The following KANK1 variants were observed in gnomAD, a reference collection of about 807,000 sequenced individuals.
The protein encoded by KANK1 is KN motif and ankyrin repeat domains 1.
In KANK1, 109 loss-of-function variants were observed where a neutral mutation model predicts 106.2. The ratio of observed to expected loss-of-function variants is 1.03; its 90% CI spans 0.88 to 1.20. The LOEUF (loss-of-function observed/expected upper bound fraction) is 1.20, where lower values mean the gene tolerates loss of function less well. KANK1 is among the 50% of genes most tolerant of loss of function. KANK1 has a pLI of 0.00. For synonymous variants in KANK1, 873 were observed against 652.2 expected (o/e 1.34, Z -5.16); for missense variants, 2,399 against 1,710.7 (o/e 1.40, Z -7.10).
At chr9:661,070 G>C (rs1843188605) in intron 1 of KANK1, among the ~76,000 whole-genome samples, 1 of 102,506 alleles carries the variant, frequency 9.8e-6, no homozygotes, top group African/African-American at 3.9e-5. Context: ...GTAACCAACT[G>C]GTTTTGAGGT....
Position 713,354 on chromosome 9 carries a change from A to G in KANK1, c.2588A>G (p.Asn863Ser). 2 of 1,614,042 alleles carry G rather than the reference A, an allele frequency of 1.2e-6. No homozygotes were observed. Among genetic ancestry groups the G allele is most frequent in the Non-Finnish European group, 1.7e-6 (2 of 1,180,016 alleles). ...CCTCACTCACAGATGGGCTCCCTCA[A>G]CTCTCAGCTCATCAGCACCCTGTCG... ...GEPHSQMGSL[N>S]SQLISTLSSI... Residue 863 changes from asparagine (N) to serine (S), a missense_variant, in exon 3 of 12, where the codon AAC (asparagine) becomes AGC (serine). Physicochemically the swap from Asn to Ser is conservative, Grantham distance 46. Transcript: ENST00000382297.
chr9:542,449 G>T (rs1027480981), intron 1 of KANK1, among the ~76,000 whole-genome samples: 1 of 152,240 alleles, frequency 6.6e-6, no homozygotes, highest in Admixed American at 6.5e-5. Flanking sequence ...GACCCTCTTA[G>T]ACTGTTGATG....
chr9:646,278 C>G lies in KANK1; in HGVS notation c.-83-30612C>G, dbSNP rs535915339. On this transcript the variant is annotated intron_variant, in intron 1 of 11. Coordinates refer to ENST00000382297, the MANE Select transcript of KANK1 (RefSeq NM_015158.5). ...TTGGGAGGCCAAGGCTAGAGGATCA[C>G]TTGAGGCCAGGAGTTCAAGACCAGT... Among the ~76,000 whole-genome samples the G allele has an allele frequency of 1.6e-3, 240 of 150,876 alleles. 5 individuals are homozygous for G. Among genetic ancestry groups the G allele is most frequent in the Non-Finnish European group, 2.1e-3 (142 of 68,008 alleles).
chr9:696,996 G>C (rs1025106710), intron 2 of KANK1, among the ~76,000 whole-genome samples: 1 of 151,972 alleles, frequency 6.6e-6, no homozygotes, highest in Non-Finnish European at 1.5e-5. Context: ...AATTTTAATC[G>C]TACATAAAAA....
upstream of KANK1, among the ~76,000 whole-genome samples, chr9:503,662 T>C (rs147824842): frequency 8.3e-4 from 127 of 152,314 alleles, no homozygotes; most frequent in Admixed American, 2.2e-3. Flanking sequence ...GAAAATCAGT[T>C]GACTGCAGAG....
intron 3 of KANK1, among the ~76,000 whole-genome samples, chr9:475,977 C>T (rs961459263): frequency 6.6e-6 from 1 of 151,986 alleles, no homozygotes; most frequent in South Asian, 2.1e-4. Flanking sequence ...CTCAGCCTCC[C>T]GAGTAGCTGG....
chr9:604,248 A>G (rs1828518169), intron 1 of KANK1, among the ~76,000 whole-genome samples: 1 of 151,712 alleles, frequency 6.6e-6, no homozygotes, highest in Non-Finnish European at 1.5e-5. Flanking sequence ...TTATTGAATG[A>G]GCACTATGTG....
Position 622,659 on chromosome 9 carries a change from T to A in KANK1, c.-83-54231T>A, listed in dbSNP as rs144952762. ...TGGCTCATGCCTGTAATCCCAGCAC[T>A]TTGGGAGGCTGAGGCTGGCGGATCA... On this transcript the variant is annotated intron_variant, in intron 1 of 11. Transcript: ENST00000382297. Among the ~76,000 whole-genome samples the A allele has an allele frequency of 1.1e-3, 162 of 152,220 alleles. 4 individuals are homozygous for A. The East Asian group carries it at 0.027, about 25-fold the overall frequency.
At chr9:628,699 G>T (rs1834947189) in intron 1 of KANK1, among the ~76,000 whole-genome samples, 1 of 152,102 alleles carries the variant, frequency 6.6e-6, no homozygotes, top group Non-Finnish European at 1.5e-5. Flanking sequence ...AAACATCCAA[G>T]GCTCTTTGCC....
At chr9:489,775 A>G (rs2058348399) in intron 3 of KANK1, among the ~76,000 whole-genome samples, 1 of 152,236 alleles carries the variant, frequency 6.6e-6, no homozygotes, top group Non-Finnish European at 1.5e-5. Context: ...GAAGAAAAAT[A>G]ATAGTATCAA....
intron 1 of KANK1, among the ~76,000 whole-genome samples, chr9:560,958 G>C (rs780824275): frequency 6.6e-6 from 1 of 152,130 alleles, no homozygotes; most frequent in Non-Finnish European, 1.5e-5. Flanking sequence ...ATTTGATATG[G>C]GTGGCCTTCT....
At chr9:475,157 A>C (rs2132066265) in intron 3 of KANK1, among the ~76,000 whole-genome samples, 1 of 152,306 alleles carries the variant, frequency 6.6e-6, no homozygotes, top group Middle Eastern at 3.4e-3. Flanking sequence ...GGGCTCAAGC[A>C]TGTGCACTAA....
intron 1 of KANK1, among the ~76,000 whole-genome samples, chr9:661,939 G>T (rs1206868517): frequency 6.6e-6 from 1 of 152,096 alleles, no homozygotes; most frequent in Non-Finnish European, 1.5e-5. Context: ...AGAAGTGTCT[G>T]TTCATGTCCT....
intron 1 of KANK1, among the ~76,000 whole-genome samples, chr9:610,848 T>C (rs1645189703): frequency 6.6e-6 from 1 of 152,182 alleles, no homozygotes. Context: ...TGGTTATTTT[T>C]CTGGGAACTG....
At chr9:606,253 A>G (rs1016842583) in intron 1 of KANK1, among the ~76,000 whole-genome samples, 5 of 151,178 alleles carry the variant, frequency 3.3e-5, no homozygotes, top group Non-Finnish European at 7.4e-5. Flanking sequence ...TTAAAAATAT[A>G]TATTTTTAGA....
chr9:730,530 A>T, intron 4 of KANK1: 1 of 379,084 alleles, frequency 2.6e-6, no homozygotes. Flanking sequence ...CATCTCTACT[A>T]AAAAATACAA....
chr9:523,950 T>TTGG (rs1401728282), intron 1 of KANK1, among the ~76,000 whole-genome samples: 2 of 151,732 alleles, frequency 1.3e-5, no homozygotes, highest in African/African-American at 4.9e-5. Context: ...GGTTTGCTGG[T>TTGG]TGGTGGTACA....
At chr9:535,030 A>C (rs1214857118) in intron 1 of KANK1, among the ~76,000 whole-genome samples, 1 of 152,222 alleles carries the variant, frequency 6.6e-6, no homozygotes, top group Non-Finnish European at 1.5e-5. Flanking sequence ...TGGGCCTCGC[A>C]GCCGTGGGAT....
At chr9:497,347 C>G (rs1201151288) in intron 3 of KANK1, among the ~76,000 whole-genome samples, 1 of 152,146 alleles carries the variant, frequency 6.6e-6, no homozygotes, top group African/African-American at 2.4e-5. Context: ...GTAGCAAATC[C>G]AGCTGTCCCA....
Sources: allele counts gnomAD v4.1 joint callset (sites outside exome capture counted in the v4.1 genomes callset), GRCh38; gene constraint gnomAD v4.1.1; transcripts MANE v1.5; gene names NCBI Gene and HGNC (gene_info 2026-07-23, HGNC 2026-07-21).